Variants in ASIC2 observed in about 807,000 individuals in gnomAD.
The protein encoded by ASIC2 is acid sensing ion channel subunit 2.
ASIC2 carries 25 observed loss-of-function variants against 57.3 expected under a neutral mutation model. That is an observed-to-expected ratio of 0.44 (90% CI 0.32 to 0.61). The LOEUF is 0.61. Among genes scored for constraint, ASIC2 ranks in the 20% least tolerant of loss-of-function variants. The probability of loss-of-function intolerance (pLI) is 0.06; values close to 1 mark genes in which losing one functional copy is unlikely to be tolerated. For missense variants in ASIC2, 641 were observed against 738.1 expected (o/e 0.87, Z 1.52); for synonymous variants, 319 against 307.5 (o/e 1.04, Z -0.39).
chr17:33,773,809 C>T (rs1911188345), intron 1 of ASIC2, among the ~76,000 whole-genome samples: 2 of 152,004 alleles, frequency 1.3e-5, no homozygotes, highest in Middle Eastern at 3.4e-3. Flanking sequence ...CATATGCTAG[C>T]ATGCCTGGCT....
At chr17:33,700,247 C>T (rs1017372421) in intron 1 of ASIC2, among the ~76,000 whole-genome samples, 1 of 152,032 alleles carries the variant, frequency 6.6e-6, no homozygotes, top group Non-Finnish European at 1.5e-5. Flanking sequence ...TAGCAAGAAA[C>T]TTTGCTTTCC....
chr17:33,765,220 C>T (rs1188882984), intron 1 of ASIC2, among the ~76,000 whole-genome samples: 1 of 152,200 alleles, frequency 6.6e-6, no homozygotes, highest in Non-Finnish European at 1.5e-5. Context: ...ATTCTCCTGC[C>T]TCAACCTCCC....
In ASIC2 at chr17:33,681,761, G is replaced by A. The variant is rs75018365; in HGVS notation, c.555+474217C>T. On this transcript the variant is annotated intron_variant, in intron 1 of 9. Coordinates refer to the ASIC2 transcript ENST00000359872. ...CTCTCCTCTGTGTTATTCTGGTGTCGTGCACATATGCTTGTCACTGCATTT... is the reference window on the plus strand; with the variant it reads ...CTCTCCTCTGTGTTATTCTGGTGTCATGCACATATGCTTGTCACTGCATTT... Among the ~76,000 whole-genome samples the A allele has an allele frequency of 5.3e-3, 807 of 152,192 alleles. 9 individuals carry two copies. The highest frequency in any genetic ancestry group is 0.019 in the African/African-American group (779 of 41,542).
intron 1 of ASIC2, among the ~76,000 whole-genome samples, chr17:33,209,608 C>T (rs1441663708): frequency 6.6e-6 from 1 of 152,242 alleles, no homozygotes; most frequent in Non-Finnish European, 1.5e-5. Context: ...GGGGCCAAAA[C>T]TGCCACCGCT....
chr17:33,314,827 G>A (rs1906577067), intron 1 of ASIC2, among the ~76,000 whole-genome samples: 1 of 152,160 alleles, frequency 6.6e-6, no homozygotes, highest in African/African-American at 2.4e-5. Context: ...CAGTGTGGAT[G>A]TTTAGTCTTG....
At chr17:33,735,336 T>C (rs1262667400) in intron 1 of ASIC2, among the ~76,000 whole-genome samples, 1 of 152,120 alleles carries the variant, frequency 6.6e-6, no homozygotes, top group East Asian at 1.9e-4. Flanking sequence ...CTTGAATGCA[T>C]AAGTGGGCAG....
At chr17:34,099,680 GAAAA>G (rs1910755842) in intron 1 of ASIC2, among the ~76,000 whole-genome samples, 1 of 139,736 alleles carries the variant, frequency 7.2e-6, no homozygotes, top group Non-Finnish European at 1.5e-5. Flanking sequence ...AAGAAAGAAA[GAAAA>G]GAAAGAGAAG....
At chr17:33,364,317 A>C (rs910379171) in intron 1 of ASIC2, among the ~76,000 whole-genome samples, 1 of 152,158 alleles carries the variant, frequency 6.6e-6, no homozygotes. Context: ...TGCACTGTTA[A>C]TAGAAATGAC....
intron 1 of ASIC2, among the ~76,000 whole-genome samples, chr17:33,866,640 A>G (rs2141928133): frequency 6.6e-6 from 1 of 152,258 alleles, no homozygotes; most frequent in East Asian, 1.9e-4. Context: ...TTTGACTCTC[A>G]TCTTTCTGGT....
intron 1 of ASIC2, among the ~76,000 whole-genome samples, chr17:33,558,308 G>C (rs1267180831): frequency 6.6e-6 from 1 of 152,166 alleles, no homozygotes; most frequent in Non-Finnish European, 1.5e-5. Context: ...TTGTATCCTG[G>C]ACATTATGGA....
chr17:33,859,732 G>T (rs1410908258), intron 1 of ASIC2, among the ~76,000 whole-genome samples: 1 of 152,190 alleles, frequency 6.6e-6, no homozygotes, highest in Non-Finnish European at 1.5e-5. Flanking sequence ...CCAAGCTAGA[G>T]TGCAGTGGTG....
chr17:33,541,769 C>A (rs1409523101), intron 1 of ASIC2, among the ~76,000 whole-genome samples: 1 of 152,168 alleles, frequency 6.6e-6, no homozygotes, highest in Non-Finnish European at 1.5e-5. Flanking sequence ...ACTTCTCAAG[C>A]ACATCACTAC....
chr17:33,693,702 T>C (rs34017250), intron 1 of ASIC2, among the ~76,000 whole-genome samples: 4,340 of 152,194 alleles, frequency 0.029, 209 homozygotes, highest in African/African-American at 0.1. Flanking sequence ...TGTCTCCCTA[T>C]TGCAGCTCAC....
intron 2 of ASIC2, among the ~76,000 whole-genome samples, chr17:33,098,191 C>T (rs915998267): frequency 5.3e-5 from 8 of 152,162 alleles, no homozygotes; most frequent in African/African-American, 1.9e-4. Flanking sequence ...CACTGCATCT[C>T]ATTTTAATCT....
chr17:34,036,395 A>G (rs1178317716), intron 1 of ASIC2, among the ~76,000 whole-genome samples: 3 of 122,410 alleles, frequency 2.5e-5, no homozygotes, highest in Admixed American at 1.8e-4. Flanking sequence ...GGGGGGAGGG[A>G]TAGCATTAGG....
chr17:34,097,524 G>A (rs1398634004), intron 1 of ASIC2, among the ~76,000 whole-genome samples: 1 of 152,264 alleles, frequency 6.6e-6, no homozygotes, highest in African/African-American at 2.4e-5. Context: ...CTAAAGTGAG[G>A]TCACACTGGA....
At chr17:33,895,249 G>C (rs544384970) in intron 1 of ASIC2, among the ~76,000 whole-genome samples, 1 of 151,310 alleles carries the variant, frequency 6.6e-6, no homozygotes, top group Non-Finnish European at 1.5e-5. Flanking sequence ...TGCAACCTCT[G>C]CCTCCTGGGT....
At chr17:33,745,196 G>A (rs1480919209) in intron 1 of ASIC2, among the ~76,000 whole-genome samples, 2 of 152,142 alleles carry the variant, frequency 1.3e-5, no homozygotes, top group African/African-American at 4.8e-5. Flanking sequence ...TGATGAAAGG[G>A]CCAGCAGGCT....
intron 1 of ASIC2, among the ~76,000 whole-genome samples, chr17:33,639,122 A>AT (rs1906471696): frequency 6.6e-6 from 1 of 151,870 alleles, no homozygotes; most frequent in Admixed American, 6.6e-5. Flanking sequence ...CCAACCAGCC[A>AT]AGCAGACCAA....
Sources: allele counts gnomAD v4.1 joint callset (sites outside exome capture counted in the v4.1 genomes callset), GRCh38; gene constraint gnomAD v4.1.1; transcripts MANE v1.5; gene names NCBI Gene and HGNC (gene_info 2026-07-23, HGNC 2026-07-21).